CACNA2D3: variants seen among roughly 807,000 people sequenced by gnomAD.
CACNA2D3 encodes the protein calcium voltage-gated channel auxiliary subunit alpha2delta 3, also known as voltage-dependent calcium channel subunit alpha-2/delta-3.
In CACNA2D3, 60 loss-of-function variants were observed where a neutral mutation model predicts 160.6. The ratio of observed to expected loss-of-function variants is 0.37; its 90% CI spans 0.30 to 0.46. The LOEUF (loss-of-function observed/expected upper bound fraction) is 0.46. CACNA2D3 is among the 20% of genes least tolerant of loss of function. The probability of loss-of-function intolerance (pLI) is 1.00; values close to 1 mark genes in which losing one functional copy is unlikely to be tolerated. For synonymous variants in CACNA2D3, 558 were observed against 492.9 expected (o/e 1.13, Z -1.75); for missense variants, 1,205 against 1,365.0 (o/e 0.88, Z 1.85).
At chr3:54,198,297 C>T (rs1701117740) in intron 2 of CACNA2D3, among the ~76,000 whole-genome samples, 1 of 152,222 alleles carries the variant, frequency 6.6e-6, no homozygotes, top group Non-Finnish European at 1.5e-5. Flanking sequence ...CAAGGCCTGA[C>T]TCCTGTGTGC....
At chr3:54,642,986 C>T (rs1281272508) in intron 11 of CACNA2D3, among the ~76,000 whole-genome samples, 1 of 152,030 alleles carries the variant, frequency 6.6e-6, no homozygotes, top group African/African-American at 2.4e-5. Flanking sequence ...CAGTGGGCAC[C>T]AGCCAGTAGA....
chr3:54,822,584 G>T (rs1484083896), intron 14 of CACNA2D3, among the ~76,000 whole-genome samples: 2 of 152,096 alleles, frequency 1.3e-5, no homozygotes, highest in East Asian at 1.9e-4. Context: ...ATGAATGCAA[G>T]ACCCTCAGAT....
intron 13 of CACNA2D3, among the ~76,000 whole-genome samples, chr3:54,765,185 GCT>G (rs1050607149): frequency 3.3e-5 from 5 of 152,052 alleles, no homozygotes; most frequent in African/African-American, 4.8e-5. Context: ...CTCTCCCTGG[GCT>G]CTCTCATTCC....
At chr3:54,958,635 C>A (rs2107039163) in intron 27 of CACNA2D3, among the ~76,000 whole-genome samples, 1 of 152,288 alleles carries the variant, frequency 6.6e-6, no homozygotes, top group Admixed American at 6.5e-5. Context: ...ATAGCAAAGT[C>A]ATGAAAGTCA....
At chr3:54,827,672 G>A (rs375807366) in intron 14 of CACNA2D3, among the ~76,000 whole-genome samples, 3 of 152,202 alleles carry the variant, frequency 2.0e-5, no homozygotes, top group African/African-American at 7.2e-5. Flanking sequence ...CAGTGAAGGA[G>A]CCGTGAGCAA....
chr3:54,366,902 C>T (rs1458313614), intron 3 of CACNA2D3, among the ~76,000 whole-genome samples: 1 of 152,176 alleles, frequency 6.6e-6, no homozygotes, highest in Non-Finnish European at 1.5e-5. Context: ...CTACAATGCT[C>T]ATAAAGAGAA....
intron 35 of CACNA2D3, among the ~76,000 whole-genome samples, chr3:55,049,601 T>C (rs1387759178): frequency 6.7e-6 from 1 of 148,876 alleles, no homozygotes; most frequent in Non-Finnish European, 1.5e-5. Context: ...TGGAGAGTTC[T>C]GTAGATGTCT....
chr3:55,026,861 A>G (rs1210808442), intron 35 of CACNA2D3, among the ~76,000 whole-genome samples: 2 of 152,232 alleles, frequency 1.3e-5, no homozygotes, highest in Admixed American at 6.5e-5. Flanking sequence ...GGAAAAGAGT[A>G]AAAATGATCA....
chr3:54,122,912 G>C (rs1426842755), intron 1 of CACNA2D3, 77 bp downstream of exon 1: 2 of 1,166,246 alleles, frequency 1.7e-6, no homozygotes, highest in Admixed American at 4.6e-5. Context: ...TTGGGCGCCT[G>C]CAGGTGCGGC....
chr3:54,763,323 G>A (rs751770550), intron 12 of CACNA2D3, among the ~76,000 whole-genome samples: 3 of 151,868 alleles, frequency 2.0e-5, no homozygotes, highest in Non-Finnish European at 2.9e-5. Context: ...CATCTGCATC[G>A]GTCATCTTAT....
At position 54,352,552 on chromosome 3, in the gene CACNA2D3, G is replaced by A. The variant is rs553775497; in HGVS notation, c.321+31994G>A. Among the ~76,000 whole-genome samples the A allele has an allele frequency of 8.1e-4, 123 of 152,330 alleles. 2 individuals are homozygous for A. In the Middle Eastern group the frequency reaches 0.01, roughly 13 times the overall value. ...GTGTGGAAAAGTCACAGACATAACA[G>A]CAGCAGCTCCTGAGGTTTGGAAAGG... On this transcript the variant is annotated intron_variant, in intron 3 of 37. Transcript: ENST00000474759.
At chr3:54,841,646 A>G (rs1346602961) in intron 16 of CACNA2D3, among the ~76,000 whole-genome samples, 2 of 152,226 alleles carry the variant, frequency 1.3e-5, no homozygotes, top group African/African-American at 4.8e-5. Flanking sequence ...GTTTTCCCAG[A>G]AGATAGAATT....
At chr3:54,488,179 A>C (rs1701047534) in intron 4 of CACNA2D3, among the ~76,000 whole-genome samples, 1 of 152,234 alleles carries the variant, frequency 6.6e-6, no homozygotes, top group East Asian at 1.9e-4. Flanking sequence ...GAGCTAGATC[A>C]AGCATGACCT....
chr3:54,216,406 C>A (rs1701464618), intron 2 of CACNA2D3, among the ~76,000 whole-genome samples: 1 of 152,104 alleles, frequency 6.6e-6, no homozygotes, highest in African/African-American at 2.4e-5. Context: ...AAACAGAAGC[C>A]AATACTTGCA....
intron 6 of CACNA2D3, among the ~76,000 whole-genome samples, chr3:54,568,625 C>T (rs1328093178): frequency 1.3e-5 from 2 of 152,114 alleles, no homozygotes; most frequent in Non-Finnish European, 2.9e-5. Context: ...CATTCTTGTC[C>T]CTTAGTGTGC....
At chr3:54,272,198 C>T (rs1037313265) in intron 2 of CACNA2D3, among the ~76,000 whole-genome samples, 3 of 152,186 alleles carry the variant, frequency 2.0e-5, no homozygotes, top group African/African-American at 4.8e-5. Flanking sequence ...GTTAGGTGGG[C>T]ATTACCAGTC....
chr3:54,907,270 C>T (rs556471024), intron 27 of CACNA2D3, among the ~76,000 whole-genome samples: 3 of 152,192 alleles, frequency 2.0e-5, no homozygotes, highest in East Asian at 3.9e-4. Context: ...CAGGCCTCAC[C>T]CCTGTGCCTT....
At chr3:54,367,410 C>T (rs1320665244) in intron 3 of CACNA2D3, among the ~76,000 whole-genome samples, 4 of 152,134 alleles carry the variant, frequency 2.6e-5, no homozygotes, top group East Asian at 1.9e-4. Flanking sequence ...TGCCCTCCAC[C>T]GTATGGGATG....
intron 2 of CACNA2D3, among the ~76,000 whole-genome samples, chr3:54,258,184 G>T (rs1378706050): frequency 6.6e-6 from 1 of 152,164 alleles, no homozygotes; most frequent in Non-Finnish European, 1.5e-5. Flanking sequence ...TCTAGGAATG[G>T]TAATACTTTT....
Sources: gnomAD v4.1 joint callset for allele counts (sites outside exome capture counted in the v4.1 genomes callset) on GRCh38, gnomAD v4.1.1 for gene constraint, MANE v1.5 for transcripts, NCBI Gene and HGNC (gene_info 2026-07-23, HGNC 2026-07-21) for gene names.